The following AGO4 variants were observed in gnomAD, a reference collection of about 807,000 sequenced individuals.
The protein encoded by AGO4 is protein argonaute-4.
In AGO4, 33 loss-of-function variants were observed where a neutral mutation model predicts 104.7. The ratio of observed to expected loss-of-function variants is 0.32; its 90% confidence interval spans 0.24 to 0.42. The LOEUF is 0.42. Among genes scored for constraint, AGO4 ranks in the 10% least tolerant of loss-of-function variants. The probability of loss-of-function intolerance (pLI) is 1.00; values close to 1 mark genes in which losing one functional copy is unlikely to be tolerated. For synonymous variants in AGO4, 331 were observed against 364.7 expected (o/e 0.91, Z 1.05); for missense variants, 711 against 1,083.4 (o/e 0.66, Z 4.83).
intron 10 of AGO4, 88 bp from the exon 11 acceptor site, chr1:35,832,349 C>G: frequency 6.7e-7 from 1 of 1,492,296 alleles, no homozygotes; most frequent in Non-Finnish European, 8.9e-7. Context: ...ATTCACTAGT[C>G]AATAGTAAAA....
In AGO4 at chr1:35,826,002, T is replaced by C. The variant is rs1037492733; in HGVS notation, c.702T>C (p.Asn234=). The C allele has an allele frequency of 1.2e-6, 2 of 1,614,212 alleles. No individual in the cohort carries two copies. Among genetic ancestry groups the C allele is most frequent in the East Asian group, 2.2e-5 (1 of 44,886 alleles). Residue 234 remains asparagine, a synonymous_variant, in exon 6 of 18, where the codon AAT becomes AAC. Transcript: ENST00000373210. ...MCEVLDIQNI[N]EQTKPLTDSQ... ...AGGTTTTAGACATTCAGAACATCAA[T>C]GAACAGACCAAACCTCTAACAGACT...
chr1:35,835,180 C>T (rs970357918), intron 12 of AGO4, among the ~76,000 whole-genome samples: 3 of 151,698 alleles, frequency 2.0e-5, no homozygotes, highest in Admixed American at 2.0e-4. Context: ...CCTCAGCCCC[C>T]CCAAGTACTG....
At chr1:35,834,220 G>C (rs760014470) in intron 12 of AGO4, 46 bp downstream of exon 12, 1 of 1,430,060 alleles carries the variant, frequency 7.0e-7, no homozygotes, top group Admixed American at 2.5e-5. Flanking sequence ...TCAAGCAGTA[G>C]ATATAACAGT....
chr1:35,828,008 G>A (rs1644073005), intron 7 of AGO4, among the ~76,000 whole-genome samples: 1 of 151,730 alleles, frequency 6.6e-6, no homozygotes. Context: ...GCCTCCCAAA[G>A]TGCTGGGACT....
chr1:35,831,426 GT>G lies in AGO4; in HGVS notation c.852del (p.Pro285LeufsTer4). The G allele has an allele frequency of 6.2e-7, 1 of 1,602,228 alleles. No homozygotes were observed. ...TCTAAAAAAGACATTCTCTCCTATAGTTTTCCTTTGCAGCTAGAAAACGGTC... is the reference window on the plus strand; with the variant it reads ...TCTAAAAAAGACATTCTCTCCTATAGTTTCCTTTGCAGCTAGAAAACGGTC... ...NVTRRPASHQ[T>X]FPLQLENGQA... On this transcript the variant is annotated frameshift_variant and splice_region_variant, in exon 8 of 18. Coordinates refer to ENST00000373210, the MANE Select transcript of AGO4 (RefSeq NM_017629.4). LOFTEE classifies it high-confidence loss of function.
At chr1:35,824,414 T>C (rs1571271265) in intron 3 of AGO4, among the ~76,000 whole-genome samples, 1 of 152,162 alleles carries the variant, frequency 6.6e-6, no homozygotes, top group African/African-American at 2.4e-5. Context: ...GCCTGAAAGA[T>C]CTTTCCATTT....
At chr1:35,820,106 G>A (rs1009020943) in intron 2 of AGO4, among the ~76,000 whole-genome samples, 1 of 152,172 alleles carries the variant, frequency 6.6e-6, no homozygotes, top group Non-Finnish European at 1.5e-5. Flanking sequence ...GGAGGCAAAG[G>A]AAGAAGATGT....
At chr1:35,848,011 G>A (rs796145503) in intron 15 of AGO4, among the ~76,000 whole-genome samples, 10 of 150,106 alleles carry the variant, frequency 6.7e-5, no homozygotes, top group African/African-American at 2.5e-4. Context: ...TGCAGAACCT[G>A]TGGATACCAA....
chr1:35,817,600 T>G (rs1053206927), intron 2 of AGO4, among the ~76,000 whole-genome samples: 5 of 152,186 alleles, frequency 3.3e-5, no homozygotes, highest in African/African-American at 1.2e-4. Context: ...GGAATTTACC[T>G]GGTGTGAAGA....
In AGO4 at chr1:35,857,856, CAATT is replaced by C. The variant is rs1478237466; in HGVS notation, c.*4254_*4257del. ...TATTTGGTATACAATTATTATGTGT[CAATT>C]AAAACTAAAATAAAACTTTTAAAAA... On this transcript the variant is annotated 3_prime_UTR_variant, in exon 18 of 18. Transcript: ENST00000373210. The C allele has an allele frequency of 4.6e-5, 7 of 152,068 alleles. No homozygotes were observed. The highest frequency in any genetic ancestry group is 1.7e-4 in the African/African-American group (7 of 41,396). The allele number at this position is 152,068 out of a possible 1,614,324, so 9.4% of individuals were successfully genotyped here. A position where few individuals can be genotyped will look rare whatever the true frequency, so the allele number is the denominator to read the frequency against.
intron 2 of AGO4, among the ~76,000 whole-genome samples, chr1:35,818,705 A>AAGGAAG (rs1643810401): frequency 1.7e-5 from 2 of 120,284 alleles, no homozygotes; most frequent in African/African-American, 6.8e-5. Flanking sequence ...AAGGAAGGAA[A>AAGGAAG]GAAACAAACA....
At chr1:35,839,366 A>AC (rs1258174461) in intron 13 of AGO4, among the ~76,000 whole-genome samples, 1 of 152,130 alleles carries the variant, frequency 6.6e-6, no homozygotes, top group Non-Finnish European at 1.5e-5. Context: ...TTTAATTTTA[A>AC]CCCAAACATT....
At chr1:35,831,311 C>A in intron 7 of AGO4, 116 bp from the exon 8 acceptor site, 3 of 1,110,226 alleles carry the variant, frequency 2.7e-6, no homozygotes, top group Non-Finnish European at 3.7e-6. Context: ...GAGATCACGC[C>A]ATGCACTCCA....
rs1644194580 is a variant in AGO4, at chr1:35,831,911, C to T, written c.1096C>T (p.Gln366Ter). The T allele has an allele frequency of 6.2e-7, 1 of 1,613,906 alleles. No homozygotes were observed. Among genetic ancestry groups the T allele is most frequent in the South Asian group, 1.1e-5 (1 of 91,072 alleles). Residue 366 changes from glutamine to a stop codon, truncating the protein, a stop_gained, in exon 9 of 18, where the codon CAG (glutamine) becomes TAG (stop). Coordinates refer to ENST00000373210, the MANE Select transcript of AGO4 (RefSeq NM_017629.4). LOFTEE classifies it high-confidence loss of function. Reference protein sequence around the residue: ...KATARSAPDRQEEISRLVKSN... With the variant: ...KATARSAPDR The stretch of plus-strand genomic sequence containing the variant: ...TACAGCAAGATCTGCTCCTGACAGA[C>T]AGGAAGAGATCAGTAGACTGGTCAG...
chr1:35,855,592 A>T lies in AGO4; in HGVS notation c.*1987A>T, dbSNP rs1644799974. The T allele has an allele frequency of 6.6e-6, 1 of 152,454 alleles. No homozygotes were observed. The highest frequency in any genetic ancestry group is 1.5e-5 in the Non-Finnish European group (1 of 68,024). 9.4% of individuals were successfully genotyped at this position (152,454 alleles called of 1,614,324 possible). Reference sequence around the variant, plus strand: ...AGTGGGATGAAAGCAAGTTCTGTAAAATGAAGCACAACATAGCCAGGAGTG... The same window carrying T: ...AGTGGGATGAAAGCAAGTTCTGTAATATGAAGCACAACATAGCCAGGAGTG... On this transcript the variant is annotated 3_prime_UTR_variant, in exon 18 of 18. Coordinates refer to ENST00000373210, the MANE Select transcript of AGO4 (RefSeq NM_017629.4).
intron 16 of AGO4, 132 bp downstream of exon 16, chr1:35,850,390 T>C: frequency 1.3e-6 from 1 of 771,810 alleles, no homozygotes; most frequent in East Asian, 2.6e-5. Flanking sequence ...AATTATCTTT[T>C]GGTCTAGGTA....
In AGO4 at chr1:35,855,941, C is replaced by T. The variant is rs572900555; in HGVS notation, c.*2336C>T. 3.9e-5 allele frequency: 6 copies of T among 152,364 alleles called. No individual in the cohort carries two copies. The East Asian group carries it at 5.8e-4, about 15-fold the overall frequency. The allele number at this position is 152,364 out of a possible 1,614,324, so 9.4% of individuals were successfully genotyped here. On this transcript the variant is annotated 3_prime_UTR_variant, in exon 18 of 18. Transcript: ENST00000373210. ...GTGCCTCGGGCTTGCTTATTAATAA[C>T]GCACAGAAGAAGCATCACTTCTCAC...
At chr1:35,837,546 A>ATTT in intron 13 of AGO4, among the ~76,000 whole-genome samples, 1 of 151,434 alleles carries the variant, frequency 6.6e-6, no homozygotes, top group Admixed American at 6.6e-5. Flanking sequence ...TGCTCGGCTA[A>ATTT]TGTTTTTATT....
rs1212707842 is a variant in AGO4, at chr1:35,851,014, T to G, written c.2438T>G (p.Phe813Cys). 7 of 1,613,862 alleles carry G rather than the reference T, an allele frequency of 4.3e-6. No individual in the cohort carries two copies. The change falls in exon 17 of 18, where the codon TTT becomes TGT. Residue 813 changes from phenylalanine (F) to cysteine (C), a missense_variant. By Grantham distance (205) the Phe-to-Cys change is radical. Around this residue, in one of 3 missense-constraint regions of AGO4, gnomAD observed 401 missense variants for 665.5 expected, o/e 0.60. Transcript: ENST00000373210. Reference sequence around the variant, plus strand: ...GCATATTATGCCCGGCTTGTAGCATTTAGGGCAAGGTATCATCTGGTGGAT... The same window carrying G: ...GCATATTATGCCCGGCTTGTAGCATGTAGGGCAAGGTATCATCTGGTGGAT... ...APAYYARLVAFRARYHLVDKD... is the reference protein window; with the variant it reads ...APAYYARLVACRARYHLVDKD...
Sources: gnomAD v4.1 joint callset for allele counts (sites outside exome capture counted in the v4.1 genomes callset) on GRCh38, gnomAD v4.1.1 for gene constraint, gnomAD v4.1.1 regional missense constraint, MANE v1.5 for transcripts, NCBI Gene and HGNC (gene_info 2026-07-23, HGNC 2026-07-21) for gene names.